IFFO2: variants seen among roughly 807,000 people sequenced by gnomAD.
The protein encoded by IFFO2 is intermediate filament family orphan 2.
IFFO2 carries 19 observed loss-of-function variants against 53.5 expected under a neutral mutation model. The ratio of observed to expected loss-of-function variants is 0.36; its 90% CI spans 0.25 to 0.52. The LOEUF is 0.52. IFFO2 is among the 20% of genes least tolerant of loss of function. The pLI is 0.94. For missense variants in IFFO2, 570 were observed against 727.4 expected (o/e 0.78, Z 2.49); for synonymous variants, 303 against 313.6 (o/e 0.97, Z 0.36).
intron 1 of IFFO2, among the ~76,000 whole-genome samples, chr1:18,931,784 A>G (rs1936378654): frequency 6.6e-6 from 1 of 152,212 alleles, no homozygotes; most frequent in African/African-American, 2.4e-5. Context: ...AAGCCTGGGC[A>G]GCCTCTCTAT....
Position 18,919,356 on chromosome 1 carries a change from G to GGCCT in IFFO2, c.822+318_822+321dup, listed in dbSNP as rs1423072516. Among the ~76,000 whole-genome samples the GGCCT allele has an allele frequency of 6.6e-6, 1 of 152,184 alleles. No homozygotes were observed. The highest frequency in any genetic ancestry group is 1.5e-5 in the Non-Finnish European group (1 of 68,032). Reference sequence around the variant, plus strand: ...ACGCCCTGCTACGCCCAGACACCGAGGCCTGCCCTCATCAAGGCGAGCTGG... The same window carrying GGCCT: ...ACGCCCTGCTACGCCCAGACACCGAGGCCTGCCTGCCCTCATCAAGGCGAGCTGG... On this transcript the variant is annotated intron_variant, in intron 3 of 8. Transcript: ENST00000455833. The surrounding 1 kb of genome is among the most constrained non-coding windows in gnomAD (Gnocchi z 4.9).
At chr1:18,937,252 G>A (rs556957617) in intron 1 of IFFO2, among the ~76,000 whole-genome samples, 3 of 152,316 alleles carry the variant, frequency 2.0e-5, no homozygotes, top group South Asian at 2.1e-4. Flanking sequence ...ACAGGGCAAC[G>A]GTCACCTGTC....
chr1:18,915,919 G>C (rs1936126898), intron 5 of IFFO2, among the ~76,000 whole-genome samples: 1 of 151,860 alleles, frequency 6.6e-6, no homozygotes, highest in Admixed American at 6.6e-5. Context: ...GAGGTCAGGA[G>C]TTCGAGACCA....
At chr1:18,943,822 G>A (rs924905321) in intron 1 of IFFO2, among the ~76,000 whole-genome samples, 39 of 152,206 alleles carry the variant, frequency 2.6e-4, no homozygotes, top group Non-Finnish European at 1.9e-4. Flanking sequence ...TTTTGTAGGT[G>A]GAGGGAGCTT....
In IFFO2 at chr1:18,955,656, GC is replaced by G; in HGVS notation, c.665+11del. 6.4e-7 allele frequency: 1 copy of G among 1,562,016 alleles called. No individual in the cohort carries two copies. The highest frequency in any genetic ancestry group is 8.6e-7 in the Non-Finnish European group (1 of 1,159,416). ...CCCGTCCCAGGGCGGCGGGGGAGGG[GC>G]GGCCACTCACCTCCGCTTATACTCG... On this transcript the variant is annotated intron_variant, in intron 1 of 8. Transcript: ENST00000455833.
chr1:18,930,947 G>A (rs536514071), intron 1 of IFFO2, among the ~76,000 whole-genome samples: 1 of 152,296 alleles, frequency 6.6e-6, no homozygotes, highest in South Asian at 2.1e-4. Flanking sequence ...GAGGCAGGAG[G>A]ATCATTTGAA....
chr1:18,924,841 A>G (rs1407537709), intron 1 of IFFO2, among the ~76,000 whole-genome samples: 1 of 152,238 alleles, frequency 6.6e-6, no homozygotes, highest in Non-Finnish European at 1.5e-5. Flanking sequence ...TGCCACTGGC[A>G]GAAAATGAGG....
chr1:18,929,728 CCCCTTCAGGCAACGAGGCAGCAG>C (rs1487061092), intron 1 of IFFO2, among the ~76,000 whole-genome samples: 3 of 152,186 alleles, frequency 2.0e-5, no homozygotes, highest in Non-Finnish European at 2.9e-5. Context: ...CAGCCACACA[CCCCTTCAGGCAACGAGGCAGCAG>C]CCTTGTGCTG....
rs1201336082 is a variant in IFFO2 at position 18,947,088 on chromosome 1, GT to G, written c.665+8579del. Among the ~76,000 whole-genome samples, 1 of 152,188 alleles carries G rather than the reference GT, an allele frequency of 6.6e-6. No homozygotes were observed. Among genetic ancestry groups the G allele is most frequent in the Non-Finnish European group, 1.5e-5 (1 of 68,032 alleles). Reference sequence around the variant, plus strand: ...GGCCCACGGTGGGTACTCAGCCACTGTTCTGAAACCACCACCACTTTGGCTT... The same window carrying G: ...GGCCCACGGTGGGTACTCAGCCACTGTCTGAAACCACCACCACTTTGGCTT... On this transcript the variant is annotated intron_variant, in intron 1 of 8. Transcript: ENST00000455833. The surrounding 1 kb of genome is among the most constrained non-coding windows in gnomAD (Gnocchi z 5.0).
chr1:18,934,822 G>A lies in IFFO2; in HGVS notation c.666-13701C>T, dbSNP rs557412375. On this transcript the variant is annotated intron_variant, in intron 1 of 8. Coordinates refer to ENST00000455833, the MANE Select transcript of IFFO2 (RefSeq NM_001136265.2). ...TACGGCAGCATCCTCCCGAGCAGGT[G>A]ACACAGCAGGTGGCTGCAGGGCCAC... Among the ~76,000 whole-genome samples, 16 of 152,330 alleles carry A rather than the reference G, an allele frequency of 1.1e-4. No homozygotes were observed. In the East Asian group the frequency reaches 2.9e-3, roughly 28 times the overall value.
intron 1 of IFFO2, among the ~76,000 whole-genome samples, chr1:18,932,332 G>C (rs1263396147): frequency 2.6e-5 from 4 of 152,226 alleles, no homozygotes; most frequent in African/African-American, 9.6e-5. Flanking sequence ...TCTGTAAAAT[G>C]GTCTGTTTCT....
intron 1 of IFFO2, among the ~76,000 whole-genome samples, chr1:18,923,140 C>T (rs951164150): frequency 2.6e-5 from 4 of 152,214 alleles, no homozygotes; most frequent in Admixed American, 6.5e-5. Context: ...GAGTCTAGAG[C>T]GAACCTGCTA....
Position 18,955,727 on chromosome 1 carries a change from G to A in IFFO2, c.606C>T (p.Ile202=). 6.3e-7 allele frequency: 1 copy of A among 1,593,038 alleles called. No homozygotes were observed. Among genetic ancestry groups the A allele is most frequent in the Non-Finnish European group, 8.5e-7 (1 of 1,172,950 alleles). ...TGGCCAGCACGTTGTAGAGCGCGCG[G>A]ATCTCCGGCGTGATGGTGTCGATCT... ...GVQIDTITPE[I]RALYNVLAKV... The change falls in exon 1 of 9, where the codon ATC becomes ATT. Residue 202 remains isoleucine (I), a synonymous_variant. Transcript: ENST00000455833.
intron 1 of IFFO2, among the ~76,000 whole-genome samples, chr1:18,938,675 G>A (rs943800551): frequency 3.9e-5 from 6 of 152,238 alleles, no homozygotes; most frequent in African/African-American, 1.4e-4. Context: ...AGGAAGCTCC[G>A]ACCACACCAG....
At chr1:18,944,929 G>C (rs1456925601) in intron 1 of IFFO2, among the ~76,000 whole-genome samples, 1 of 152,228 alleles carries the variant, frequency 6.6e-6, no homozygotes, top group Non-Finnish European at 1.5e-5. Flanking sequence ...AGAAGAGCAT[G>C]AGGAGGGAGG....
At chr1:18,909,464 C>A (rs2100638504) in intron 8 of IFFO2, among the ~76,000 whole-genome samples, 1 of 152,262 alleles carries the variant, frequency 6.6e-6, no homozygotes, top group African/African-American at 2.4e-5. Flanking sequence ...TGTGTTCCCA[C>A]CCAAATTGCA....
chr1:18,955,323 C>A (rs1263880085), intron 1 of IFFO2, among the ~76,000 whole-genome samples: 1 of 152,202 alleles, frequency 6.6e-6, no homozygotes, highest in African/African-American at 2.4e-5. Context: ...CCTCGGTTTC[C>A]TCATCTGCGA....
rs1324064576 is a variant in IFFO2, at chr1:18,908,121, C to G, written c.*440G>C. 4.9e-6 allele frequency: 1 copy of G among 203,108 alleles called. No individual in the cohort carries two copies. Among genetic ancestry groups the G allele is most frequent in the Non-Finnish European group, 1.0e-5 (1 of 96,876 alleles). The allele number at this position is 203,108 out of a possible 1,614,324, so 12.6% of individuals were successfully genotyped here. On this transcript the variant is annotated 3_prime_UTR_variant, in exon 9 of 9. Coordinates refer to ENST00000455833, the MANE Select transcript of IFFO2 (RefSeq NM_001136265.2). ...CTCAGGAGGAAGGGAGGGCATAGCC[C>G]ATGGCCAATCAGAGGAGCAGGTGGG...
At chr1:18,949,487 C>T (rs1292228017) in intron 1 of IFFO2, among the ~76,000 whole-genome samples, 6 of 152,252 alleles carry the variant, frequency 3.9e-5, no homozygotes, top group South Asian at 2.1e-4. Flanking sequence ...CTTCCCGTCC[C>T]GGGCCTTCAG....
Sources: allele counts gnomAD v4.1 joint callset (sites outside exome capture counted in the v4.1 genomes callset), GRCh38; gene constraint gnomAD v4.1.1; non-coding constraint Gnocchi (gnomAD v3.1); transcripts MANE v1.5; gene names NCBI Gene and HGNC (gene_info 2026-07-23, HGNC 2026-07-21).